The following AAMP variants were observed in gnomAD, a reference collection of about 807,000 sequenced individuals.
AAMP encodes angio associated migratory cell protein, also known as angio-associated migratory cell protein.
AAMP carries 12 observed loss-of-function variants against 51.1 expected under a neutral mutation model. That is an observed-to-expected ratio of 0.23 (90% CI 0.15 to 0.38). The LOEUF is 0.38. Ranked by LOEUF, AAMP falls within the 10% of genes least tolerant of loss-of-function variation. The probability of loss-of-function intolerance (pLI) is 1.00; values close to 1 mark genes in which losing one functional copy is unlikely to be tolerated. For missense variants in AAMP, 418 were observed against 557.2 expected (o/e 0.75, Z 2.52); for synonymous variants, 210 against 218.7 (o/e 0.96, Z 0.35).
In AAMP at chr2:218,267,741, A is replaced by C; in HGVS notation, c.275-128T>G. On this transcript the variant is annotated intron_variant, in intron 2 of 10. Transcript: ENST00000248450. The surrounding 1 kb of genome is among the most constrained non-coding windows in gnomAD (Gnocchi z 4.6). ...CTTTCCTCCTGGAAAACACAGGTACATCCAAGTTCTTCTAAGTTTCAAGAA... is the reference window on the plus strand; with the variant it reads ...CTTTCCTCCTGGAAAACACAGGTACCTCCAAGTTCTTCTAAGTTTCAAGAA... The C allele has an allele frequency of 1.7e-6, 2 of 1,179,480 alleles. No homozygotes were observed. The highest frequency in any genetic ancestry group is 2.4e-6 in the Non-Finnish European group (2 of 830,766). 73.1% of individuals were successfully genotyped at this position (1,179,480 alleles called of 1,614,324 possible). A position where few individuals can be genotyped will look rare whatever the true frequency, so the allele number is the denominator to read the frequency against.
chr2:218,266,374 C>A lies in AAMP; in HGVS notation c.679+69G>T. The A allele has an allele frequency of 6.3e-7, 1 of 1,578,346 alleles. No individual in the cohort carries two copies. The highest frequency in any genetic ancestry group is 1.2e-5 in the South Asian group (1 of 86,824). On this transcript the variant is annotated intron_variant, in intron 5 of 10. Coordinates refer to ENST00000248450, the MANE Select transcript of AAMP (RefSeq NM_001087.5). The surrounding 1 kb of genome is among the most constrained non-coding windows in gnomAD (Gnocchi z 4.7). ...GCCGGCTGTGACCCAGAAGGCTGCTCTGGGAGGTGTATATCCCGGGATTCG... is the reference window on the plus strand; with the variant it reads ...GCCGGCTGTGACCCAGAAGGCTGCTATGGGAGGTGTATATCCCGGGATTCG...
Position 218,266,009 on chromosome 2 carries a change from G to T in AAMP, c.763+55C>A. ...ACCTCCCCTCTGAGTCCTGCCCCAG[G>T]TTCTCAGCCCCTCCCTACAAAGGCC... is the stretch of plus-strand genomic sequence containing the variant. On this transcript the variant is annotated intron_variant, in intron 6 of 10. Transcript: ENST00000248450. The surrounding 1 kb of genome is among the most constrained non-coding windows in gnomAD (Gnocchi z 4.7). 7 of 1,609,262 alleles carry T rather than the reference G, an allele frequency of 4.3e-6. No homozygotes were observed. The highest frequency in any genetic ancestry group is 6.0e-6 in the Non-Finnish European group (7 of 1,175,718).
At chr2:218,269,675 G>C (rs559246844) in intron 1 of AAMP, 141 bp from the exon 2 acceptor site, 1 of 1,424,502 alleles carries the variant, frequency 7.0e-7, no homozygotes, top group East Asian at 2.4e-5. Context: ...CCGCGGGGGC[G>C]CGCGGGACAC....
rs576800085 is a variant in AAMP at position 218,270,133 on chromosome 2, G to A, written c.-47C>T. The A allele has an allele frequency of 1.9e-6, 3 of 1,604,170 alleles. No individual in the cohort carries two copies. In the African/African-American group the frequency reaches 4.0e-5, roughly 22 times the overall value. ...CTTCTCTGGGCCCAAACGCCTCCCA[G>A]AGTCAGCTCTGCGCGACGACGCGGA... On this transcript the variant is annotated 5_prime_UTR_variant, in exon 1 of 11. Coordinates refer to ENST00000248450, the MANE Select transcript of AAMP (RefSeq NM_001087.5).
At chr2:218,264,965 A>G (rs1272177913) in intron 10 of AAMP, 55 bp downstream of exon 10, 1 of 1,609,232 alleles carries the variant, frequency 6.2e-7, no homozygotes, top group Non-Finnish European at 8.5e-7. Context: ...TCCCCTACAT[A>G]CTACTGCCAC....
At position 218,265,240 on chromosome 2, in the gene AAMP, A is replaced by C. The variant is rs1690594723; in HGVS notation, c.1075-66T>G. On this transcript the variant is annotated intron_variant, in intron 9 of 10. Coordinates refer to ENST00000248450, the MANE Select transcript of AAMP (RefSeq NM_001087.5). This position sits in a 1 kb window ranked among gnomAD's most constrained non-coding sequence, Gnocchi z 6.6. ...GAGAGCTGAGAGCCATCTGCTCCCA[A>C]TTCTCAAAGAGGGACAGCCACACAC... 6.4e-7 allele frequency: 1 copy of C among 1,561,196 alleles called. No individual in the cohort carries two copies. Among genetic ancestry groups the C allele is most frequent in the African/African-American group, 1.4e-5 (1 of 73,886 alleles).
chr2:218,267,319 G>A lies in AAMP; in HGVS notation c.394+175C>T. 1 of 987,114 alleles carries A rather than the reference G, an allele frequency of 1.0e-6. No homozygotes were observed. Among genetic ancestry groups the A allele is most frequent in the Non-Finnish European group, 1.5e-6 (1 of 666,272 alleles). 61.1% of individuals were successfully genotyped at this position (987,114 alleles called of 1,614,324 possible). On this transcript the variant is annotated intron_variant, in intron 3 of 10. Coordinates refer to ENST00000248450, the MANE Select transcript of AAMP (RefSeq NM_001087.5). The surrounding 1 kb of genome is among the most constrained non-coding windows in gnomAD (Gnocchi z 4.6). Reference sequence around the variant, plus strand: ...TTCCCTTGGCCAATTAGTGCCTCCTGCCTCTGTGCCCAAAACACACTAGTA... The same window carrying A: ...TTCCCTTGGCCAATTAGTGCCTCCTACCTCTGTGCCCAAAACACACTAGTA...
intron 2 of AAMP, among the ~76,000 whole-genome samples, chr2:218,268,483 C>T (rs1690688966): frequency 6.6e-6 from 1 of 152,010 alleles, no homozygotes; most frequent in African/African-American, 2.4e-5. Flanking sequence ...GGATTACAGG[C>T]ACATGCCACC....
rs781174605 is a variant in AAMP at position 218,269,995 on chromosome 2, A to G, written c.92T>C (p.Val31Ala). The G allele has an allele frequency of 2.5e-6, 4 of 1,613,962 alleles. No individual in the cohort carries two copies. The highest frequency in any genetic ancestry group is 1.6e-4 in the Middle Eastern group (1 of 6,062). ...FHGDEEIIEV[V>A]ELDPGPPDPD... Reference sequence around the variant, plus strand: ...GTCCGGCGGACCGGGATCAAGTTCTACCACCTCGATAATCTCTTCATCACC... The same window carrying G: ...GTCCGGCGGACCGGGATCAAGTTCTGCCACCTCGATAATCTCTTCATCACC... Residue 31 changes from valine (V) to alanine (A), a missense_variant, in exon 1 of 11, where the codon GTA becomes GCA. Coordinates refer to ENST00000248450, the MANE Select transcript of AAMP (RefSeq NM_001087.5).
Position 218,265,793 on chromosome 2 carries a change from G to A in AAMP, c.879+38C>T, listed in dbSNP as rs1186486426. On this transcript the variant is annotated intron_variant, in intron 7 of 10. Transcript: ENST00000248450. The surrounding 1 kb of genome is among the most constrained non-coding windows in gnomAD (Gnocchi z 6.6). ...CCCAGGAAGGAAGGAGAGGAGTCGG[G>A]AAAGCGGAGGCCCCAGCCGGGCTCC... 2 of 1,593,564 alleles carry A rather than the reference G, an allele frequency of 1.3e-6. No individual in the cohort carries two copies. Among genetic ancestry groups the A allele is most frequent in the African/African-American group, 1.3e-5 (1 of 74,552 alleles).
chr2:218,266,717 T>C lies in AAMP; in HGVS notation c.534+130A>G, dbSNP rs1447550920. On this transcript the variant is annotated intron_variant, in intron 4 of 10. Coordinates refer to ENST00000248450, the MANE Select transcript of AAMP (RefSeq NM_001087.5). The surrounding 1 kb of genome is among the most constrained non-coding windows in gnomAD (Gnocchi z 4.7). ...GGACTTTCCAGGTAGCAGGTAGATA[T>C]TCTTCCTGTGCCTTGGGGCGCATTG... 1.3e-6 allele frequency: 2 copies of C among 1,547,950 alleles called. No homozygotes were observed. The highest frequency in any genetic ancestry group is 2.7e-5 in the African/African-American group (2 of 73,372).
chr2:218,266,482 G>C lies in AAMP; in HGVS notation c.640C>G (p.Pro214Ala). 6.2e-7 allele frequency: 1 copy of C among 1,614,100 alleles called. No homozygotes were observed. Among genetic ancestry groups the C allele is most frequent in the Non-Finnish European group, 8.5e-7 (1 of 1,179,992 alleles). ...CGGCCACAGGTGGCTGGGCAGTTGG[G>C]ACCCTGGAAGGTCTTGCAGTCACCA... ...PNGDCKTFQG[P>A]NCPATCGRVL... The change falls in exon 5 of 11, where the codon CCC (proline) becomes GCC (alanine). Residue 214 changes from proline (P) to alanine (A), a missense_variant. Pro to Ala is a conservative substitution (Grantham distance 27). Transcript: ENST00000248450. This position sits in a 1 kb window ranked among gnomAD's most constrained non-coding sequence, Gnocchi z 4.7.
chr2:218,269,060 TG>T (rs1303697916), intron 2 of AAMP, among the ~76,000 whole-genome samples: 35 of 152,182 alleles, frequency 2.3e-4, no homozygotes, highest in Non-Finnish European at 8.8e-5. Context: ...CTCGAACTCC[TG>T]ACCTCAAGTG....
chr2:218,269,598 T>G (rs757996430), intron 1 of AAMP, 64 bp from the exon 2 acceptor site: 6 of 1,611,196 alleles, frequency 3.7e-6, no homozygotes, highest in Non-Finnish European at 5.1e-6. Context: ...GAGAGAAGCA[T>G]GAGGAGGCCT....
chr2:218,265,293 G>A lies in AAMP; in HGVS notation c.1074+78C>T. Reference sequence around the variant, plus strand: ...GGGCCAGGCAGGAGCCAGATCTGGGGTAGATGCTCCTGGAGGCCTGGGCTT... The same window carrying A: ...GGGCCAGGCAGGAGCCAGATCTGGGATAGATGCTCCTGGAGGCCTGGGCTT... On this transcript the variant is annotated intron_variant, in intron 9 of 10. Transcript: ENST00000248450. This position sits in a 1 kb window ranked among gnomAD's most constrained non-coding sequence, Gnocchi z 6.6. The A allele has an allele frequency of 1.9e-6, 3 of 1,543,014 alleles. No individual in the cohort carries two copies. Among genetic ancestry groups the A allele is most frequent in the East Asian group, 2.4e-5 (1 of 41,618 alleles).
intron 1 of AAMP, 137 bp from the exon 2 acceptor site, chr2:218,269,671 G>T: frequency 6.9e-7 from 1 of 1,450,748 alleles, no homozygotes; most frequent in Non-Finnish European, 9.5e-7. Context: ...GGGTCCGCGG[G>T]GGCGCGCGGG....
At position 218,266,180 on chromosome 2, in the gene AAMP, GGGCA is replaced by G. The variant is rs1349001576; in HGVS notation, c.680-37_680-34del. 4 of 1,590,868 alleles carry G rather than the reference GGGCA, an allele frequency of 2.5e-6. No individual in the cohort carries two copies. The African/African-American group carries it at 5.4e-5, about 21-fold the overall frequency. ...GAGGCACAGATGAAGAGAGGGCAGA[GGGCA>G]CGCTCACATACACTAAGCAAGGGAA... On this transcript the variant is annotated intron_variant, in intron 5 of 10. Transcript: ENST00000248450. This position sits in a 1 kb window ranked among gnomAD's most constrained non-coding sequence, Gnocchi z 4.7.
intron 2 of AAMP, among the ~76,000 whole-genome samples, chr2:218,268,841 G>A (rs983286519): frequency 1.3e-5 from 2 of 151,918 alleles, no homozygotes; most frequent in African/African-American, 4.8e-5. Flanking sequence ...TGGGACTACA[G>A]GCGCCCGCTA....
chr2:218,269,893 C>G, intron 1 of AAMP, 73 bp downstream of exon 1: 1 of 1,598,494 alleles, frequency 6.3e-7, no homozygotes, highest in African/African-American at 1.3e-5. Context: ...TGGAGGGGAG[C>G]GGGGAAAAGC....
Sources: allele counts gnomAD v4.1 joint callset (sites outside exome capture counted in the v4.1 genomes callset), GRCh38; gene constraint gnomAD v4.1.1; non-coding constraint Gnocchi (gnomAD v3.1); transcripts MANE v1.5; gene names NCBI Gene and HGNC (gene_info 2026-07-23, HGNC 2026-07-21).